The following EMSY variants were observed in gnomAD, a reference collection of about 807,000 sequenced individuals.
EMSY encodes EMSY transcriptional repressor, BRCA2 interacting.
EMSY carries 26 observed loss-of-function variants against 134.6 expected under a neutral mutation model. The observed-to-expected ratio is 0.19, with a 90% CI of 0.14 to 0.27. The LOEUF (loss-of-function observed/expected upper bound fraction) is 0.27. Ranked by LOEUF, EMSY falls within the 10% of genes least tolerant of loss-of-function variation. The pLI is 1.00. For missense variants in EMSY, 1,305 were observed against 1,611.4 expected, an observed-to-expected ratio of 0.81 and a Z score of 3.26; for synonymous variants, 579 against 577.8, an observed-to-expected ratio of 1.00 and a Z score of -0.03.
Position 76,526,617 on chromosome 11 carries a change from G to A in EMSY, c.1977G>A (p.Gly659=), listed in dbSNP as rs771607756. The A allele has an allele frequency of 3.1e-6, 5 of 1,612,866 alleles. No homozygotes were observed. The Admixed American group carries it at 6.7e-5, about 22-fold the overall frequency. ...TCATCCCAACAAAAATTGTTTATGGGCAGCAAGGGAAAACGCAGGTATGCT... is the reference window on the plus strand; with the variant it reads ...TCATCCCAACAAAAATTGTTTATGGACAGCAAGGGAAAACGCAGGTATGCT... Residue 659 remains glycine (G), a synonymous_variant, in exon 13 of 21, where the codon GGG becomes GGA. Transcript: ENST00000334736.
chr11:76,489,639 C>G (rs1182475865), intron 8 of EMSY, among the ~76,000 whole-genome samples: 1 of 143,764 alleles, frequency 7.0e-6, no homozygotes, highest in Non-Finnish European at 1.5e-5. Flanking sequence ...GAGTCTTGCT[C>G]TATCGCCCAG....
rs115594470 is a variant in EMSY at position 76,517,537 on chromosome 11, T to C, written c.1684+1225T>C. ...GACCTTAAGGATTTTTCTTTACTTA[T>C]ACATGAATTTATAGTTTCATATAGC... On this transcript the variant is annotated intron_variant, in intron 11 of 20. Transcript: ENST00000334736. Among the ~76,000 whole-genome samples the C allele has an allele frequency of 9.1e-3, 1,381 of 152,336 alleles. 21 individuals carry two copies. Among genetic ancestry groups the C allele is most frequent in the African/African-American group, 0.032 (1,314 of 41,574 alleles).
chr11:76,497,628 G>A (rs1252035685), intron 9 of EMSY, among the ~76,000 whole-genome samples: 3 of 152,044 alleles, frequency 2.0e-5, no homozygotes, highest in Non-Finnish European at 4.4e-5. Flanking sequence ...AAATTTTTGA[G>A]TGTAAATTTG....
intron 11 of EMSY, 74 bp from the exon 13 acceptor site, chr11:76,523,081 G>T (rs953729865): frequency 3.5e-6 from 5 of 1,415,778 alleles, no homozygotes; most frequent in Non-Finnish European, 3.8e-6. Context: ...TACTAATTGT[G>T]TATAATATAA....
intron 8 of EMSY, among the ~76,000 whole-genome samples, chr11:76,482,030 GACAAA>G (rs1242228443): frequency 2.6e-5 from 4 of 152,176 alleles, no homozygotes; most frequent in African/African-American, 9.7e-5. Context: ...GCCCCTCTGG[GACAAA>G]GCCTCCAGGG....
chr11:76,502,704 C>T (rs1949921029), intron 9 of EMSY, among the ~76,000 whole-genome samples: 1 of 151,622 alleles, frequency 6.6e-6, no homozygotes, highest in Non-Finnish European at 1.5e-5. Flanking sequence ...ATAATAGCAC[C>T]AAAAGAACAA....
chr11:76,533,171 T>C (rs2136468292), intron 14 of EMSY, among the ~76,000 whole-genome samples: 1 of 152,238 alleles, frequency 6.6e-6, no homozygotes, highest in South Asian at 2.1e-4. Context: ...AGGTTTAGTT[T>C]AGAAGCAATG....
exon 14 of EMSY, chr11:76,528,283 A>C: frequency 6.2e-7 from 1 of 1,613,582 alleles, no homozygotes; most frequent in Non-Finnish European, 8.5e-7. Flanking sequence ...TATTAAACCC[A>C]AACCAGTGAC....
chr11:76,483,917 A>T (rs2135543609), intron 8 of EMSY, among the ~76,000 whole-genome samples: 1 of 152,050 alleles, frequency 6.6e-6, no homozygotes, highest in South Asian at 2.1e-4. Context: ...CATCTACAGA[A>T]CTCTCCACCC....
intron 11 of EMSY, among the ~76,000 whole-genome samples, chr11:76,518,636 C>A (rs1053523938): frequency 3.5e-5 from 5 of 144,050 alleles, no homozygotes; most frequent in African/African-American, 1.3e-4. Flanking sequence ...AGGTATATTT[C>A]TTTTTATTCA....
At chr11:76,464,182 AT>A in intron 7 of EMSY, 102 bp downstream of exon 8, 1 of 1,328,250 alleles carries the variant, frequency 7.5e-7, no homozygotes, top group Non-Finnish European at 1.0e-6. Flanking sequence ...GCTTGGCATT[AT>A]GCTGGGGATG....
intron 20 of EMSY, 110 bp downstream of exon 21, chr11:76,546,407 C>T (rs1424345483): frequency 1.4e-6 from 2 of 1,383,768 alleles, no homozygotes; most frequent in Non-Finnish European, 1.9e-6. Context: ...AGCAGGAAGA[C>T]ATAGATATTA....
At chr11:76,484,414 A>AGG (rs1437823072) in intron 8 of EMSY, among the ~76,000 whole-genome samples, 1 of 152,226 alleles carries the variant, frequency 6.6e-6, no homozygotes, top group African/African-American at 2.4e-5. Context: ...GCAGAACTGA[A>AGG]GGAGATAGAG....
chr11:76,463,977 A>G (rs746016818), exon 7 of EMSY: 1 of 1,614,226 alleles, frequency 6.2e-7, no homozygotes, highest in Non-Finnish European at 8.5e-7. Context: ...AAGATGAGCA[A>G]CATCATGCAG....
chr11:76,464,807 G>A (rs969515590), intron 7 of EMSY, among the ~76,000 whole-genome samples: 1 of 152,098 alleles, frequency 6.6e-6, no homozygotes, highest in Admixed American at 6.5e-5. Flanking sequence ...ACCTTGCATG[G>A]TAGACTGCAA....
chr11:76,513,254 C>A, intron 9 of EMSY, 132 bp from the exon 11 acceptor site: 1 of 640,246 alleles, frequency 1.6e-6, no homozygotes, highest in East Asian at 3.2e-5. Context: ...TTTAGAGTTT[C>A]ATCAGTATTA....
At chr11:76,461,259 GT>G (rs1270757223) in intron 6 of EMSY, among the ~76,000 whole-genome samples, 2 of 152,122 alleles carry the variant, frequency 1.3e-5, no homozygotes, top group Admixed American at 1.3e-4. Context: ...TCTCAATATG[GT>G]TATAAACTTG....
At chr11:76,530,424 G>C (rs1950997998) in intron 14 of EMSY, among the ~76,000 whole-genome samples, 1 of 152,166 alleles carries the variant, frequency 6.6e-6, no homozygotes, top group Non-Finnish European at 1.5e-5. Flanking sequence ...GCCTCCCAAA[G>C]TGCTGGGATT....
At chr11:76,528,599 T>TA in intron 14 of EMSY, 133 bp downstream of exon 15, 1 of 633,926 alleles carries the variant, frequency 1.6e-6, no homozygotes, top group Non-Finnish European at 2.5e-6. Context: ...TTTTTTTTTT[T>TA]TTTTATTGTT....
Sources: gnomAD v4.1 joint callset for allele counts (sites outside exome capture counted in the v4.1 genomes callset) on GRCh38, gnomAD v4.1.1 for gene constraint, MANE v1.5 for transcripts, NCBI Gene and HGNC (gene_info 2026-07-23, HGNC 2026-07-21) for gene names.